METTL2A: variants seen among roughly 807,000 people sequenced by gnomAD.
METTL2A encodes methyltransferase 2A, tRNA N3-cytidine.
A neutral mutation model predicts 49.4 loss-of-function variants in METTL2A; 45 were observed. The ratio of observed to expected loss-of-function variants is 0.91; its 90% CI spans 0.72 to 1.17. The LOEUF is 1.17. Among genes scored for constraint, METTL2A ranks in the 50% most tolerant of loss-of-function variants. The pLI is 0.00. For synonymous variants in METTL2A, 118 were observed against 167.5 expected, an observed-to-expected ratio of 0.70 and a Z score of 2.28; for missense variants, 361 against 462.2, an observed-to-expected ratio of 0.78 and a Z score of 2.01.
chr17:62,443,666 T>C (rs1352260904), intron 6 of METTL2A, among the ~76,000 whole-genome samples: 1 of 152,096 alleles, frequency 6.6e-6, no homozygotes, highest in Non-Finnish European at 1.5e-5. Flanking sequence ...CTTGGCTCAC[T>C]GCAATCTCCG....
intron 4 of METTL2A, among the ~76,000 whole-genome samples, chr17:62,429,773 C>T (rs1219413586): frequency 5.3e-5 from 8 of 151,912 alleles, no homozygotes; most frequent in African/African-American, 7.3e-5. Context: ...TGGGTTCAAG[C>T]GATTCTCCTG....
chr17:62,432,064 ACTG>A (rs1334575553), intron 4 of METTL2A, among the ~76,000 whole-genome samples: 1 of 152,112 alleles, frequency 6.6e-6, no homozygotes, highest in African/African-American at 2.4e-5. Flanking sequence ...TGCAGCCATC[ACTG>A]CAGTCAACTT....
At position 62,448,937 on chromosome 17, in the gene METTL2A, A is replaced by C; in HGVS notation, c.*208A>C. ...AGTAATAATAAAAATAAAAAATATA[A>C]ATGAGGTCTCGTTGATGTTGGACAA... is the stretch of plus-strand genomic sequence containing the variant. On this transcript the variant is annotated 3_prime_UTR_variant, in exon 9 of 9. Coordinates refer to ENST00000311506, the MANE Select transcript of METTL2A (RefSeq NM_181725.4). The C allele has an allele frequency of 1.6e-6, 1 of 610,822 alleles. No individual in the cohort carries two copies. The highest frequency in any genetic ancestry group is 2.5e-6 in the Non-Finnish European group (1 of 403,688). 37.8% of individuals were successfully genotyped at this position (610,822 alleles called of 1,614,324 possible).
intron 4 of METTL2A, among the ~76,000 whole-genome samples, chr17:62,432,643 CAA>C (rs554640057): frequency 1.3e-5 from 2 of 151,262 alleles, no homozygotes; most frequent in Non-Finnish European, 3.0e-5. Context: ...ACTCAAAATA[CAA>C]AAAAAAATTA....
At chr17:62,425,681 G>A (rs532354915) in intron 2 of METTL2A, among the ~76,000 whole-genome samples, 1 of 147,052 alleles carries the variant, frequency 6.8e-6, no homozygotes, top group Non-Finnish European at 1.5e-5. Context: ...CACTGCACCT[G>A]GCTACTTCTA....
At chr17:62,438,391 G>A (rs1234491478) in intron 5 of METTL2A, among the ~76,000 whole-genome samples, 93 of 146,388 alleles carry the variant, frequency 6.4e-4, no homozygotes, top group African/African-American at 2.3e-3. Flanking sequence ...TGGGCTACAA[G>A]AGTGAAACTC....
intron 5 of METTL2A, among the ~76,000 whole-genome samples, chr17:62,437,948 G>T (rs1267401205): frequency 6.6e-6 from 1 of 151,202 alleles, no homozygotes; most frequent in Non-Finnish European, 1.5e-5. Flanking sequence ...CTCCAGCCTG[G>T]GTGACAGAGC....
rs892512857 is a variant in METTL2A at position 62,449,430 on chromosome 17, G to C, written c.*701G>C. On this transcript the variant is annotated 3_prime_UTR_variant, in exon 9 of 9. Transcript: ENST00000311506. ...TGGTCTTCGCTTTAATCTTAGTTCC[G>C]CCAGGCACGGTGGCTCACACCTGTA... The C allele has an allele frequency of 6.6e-6, 3 of 451,138 alleles. No individual in the cohort carries two copies. The highest frequency in any genetic ancestry group is 8.9e-6 in the Non-Finnish European group (2 of 225,364). 27.9% of individuals were successfully genotyped at this position (451,138 alleles called of 1,614,324 possible). A position where few individuals can be genotyped will look rare whatever the true frequency, so the allele number is the denominator to read the frequency against.
chr17:62,442,033 C>T (rs559761540), intron 6 of METTL2A, among the ~76,000 whole-genome samples: 5 of 152,138 alleles, frequency 3.3e-5, no homozygotes, highest in South Asian at 2.1e-4. Flanking sequence ...GAATTACAGG[C>T]GTGAGCCACC....
intron 5 of METTL2A, among the ~76,000 whole-genome samples, chr17:62,439,457 G>A (rs1281113653): frequency 1.3e-5 from 2 of 151,164 alleles, no homozygotes; most frequent in African/African-American, 4.9e-5. Context: ...TTTTTGAGAC[G>A]GAGTCTCCCT....
rs776584826 is a variant in METTL2A, at chr17:62,448,638, G to C, written c.1046G>C (p.Arg349Pro). Residue 349 changes from arginine (R) to proline (P), a missense_variant, in exon 9 of 9, where the codon CGA becomes CCA. Physicochemically the swap from Arg to Pro is moderately radical, Grantham distance 103 (BLOSUM62 -2). Around this residue, in one of 3 missense-constraint regions of METTL2A, gnomAD observed 183 missense variants for 216.5 expected, o/e 0.85. Transcript: ENST00000311506. Reference protein sequence around the residue: ...LEKVQNLVDRRLQVNRGKQLT... With the variant: ...LEKVQNLVDRPLQVNRGKQLT... ...AAAGTTCAGAACCTGGTGGATCGCC[G>C]ACTGCAGGTGAACCGAGGAAAGCAA... 6 of 1,614,156 alleles carry C rather than the reference G, an allele frequency of 3.7e-6. No homozygotes were observed. Among genetic ancestry groups the C allele is most frequent in the Middle Eastern group, 1.6e-4 (1 of 6,062 alleles).
chr17:62,432,606 T>C (rs1396338372), intron 4 of METTL2A, among the ~76,000 whole-genome samples: 1 of 152,112 alleles, frequency 6.6e-6, no homozygotes, highest in African/African-American at 2.4e-5. Context: ...GAGACCATCC[T>C]GGCTAACACA....
rs1330580287 is a variant in METTL2A at position 62,449,012 on chromosome 17, C to T, written c.*283C>T. 1 of 336,590 alleles carries T rather than the reference C, an allele frequency of 3.0e-6. No homozygotes were observed. The allele number at this position is 336,590 out of a possible 1,614,324, so 20.9% of individuals were successfully genotyped here. The stretch of plus-strand genomic sequence containing the variant: ...AAACCTAGGAAAAGTTACTTTGTAT[C>T]AGGATTCTAACAATTATGCTTCATA... On this transcript the variant is annotated 3_prime_UTR_variant, in exon 9 of 9. Transcript: ENST00000311506.
rs1329164348 is a variant in METTL2A at position 62,448,727 on chromosome 17, TG to T, written c.1136del (p.Ter379=). Reference sequence around the variant, plus strand: ...CAAGCCCCTTCTGTCCAGCACCAGCTGAGAGGCACCTGCTGCCAACACGATG... The same window carrying T: ...CAAGCCCCTTCTGTCCAGCACCAGCTAGAGGCACCTGCTGCCAACACGATG... ...YCKPLLSSTS[*>X] On this transcript the variant is annotated frameshift_variant and stop_lost, in exon 9 of 9. Coordinates refer to ENST00000311506, the MANE Select transcript of METTL2A (RefSeq NM_181725.4). LOFTEE classifies it high-confidence loss of function. The T allele has an allele frequency of 6.2e-7, 1 of 1,613,568 alleles. No individual in the cohort carries two copies. The highest frequency in any genetic ancestry group is 1.3e-5 in the African/African-American group (1 of 74,876).
At chr17:62,438,278 G>A (rs1461355818) in intron 5 of METTL2A, among the ~76,000 whole-genome samples, 2 of 151,792 alleles carry the variant, frequency 1.3e-5, no homozygotes, top group African/African-American at 2.4e-5. Context: ...ATGGTGGTAG[G>A]TGCCTGTAGT....
At chr17:62,424,594 A>G (rs1482451318) in intron 2 of METTL2A, among the ~76,000 whole-genome samples, 1 of 152,166 alleles carries the variant, frequency 6.6e-6, no homozygotes, top group Non-Finnish European at 1.5e-5. Context: ...TGGCTAGCCA[A>G]TGACAACTGT....
chr17:62,424,085 C>G (rs1598028148), intron 1 of METTL2A, 73 bp downstream of exon 1: 2 of 1,585,896 alleles, frequency 1.3e-6, no homozygotes, highest in East Asian at 4.5e-5. Context: ...TCCGAAAAGC[C>G]CCTGACCGCC....
In METTL2A at chr17:62,452,652, C is replaced by T. The variant is rs1432634272; in HGVS notation, c.*3923C>T. On this transcript the variant is annotated 3_prime_UTR_variant, in exon 9 of 9. Coordinates refer to ENST00000311506, the MANE Select transcript of METTL2A (RefSeq NM_181725.4). ...TTTGTTGTTGTTTTTGAGACAGGCT[C>T]ACCCAGGCTGGAATGCAGCAGCACG... 6.6e-6 allele frequency among the ~76,000 whole-genome samples: 1 copy of T among 152,138 alleles called. No individual in the cohort carries two copies. Among genetic ancestry groups the T allele is most frequent in the Admixed American group, 6.6e-5 (1 of 15,238 alleles).
rs750200780 is a variant in METTL2A, at chr17:62,440,731, G to A, written c.784G>A (p.Val262Ile). The A allele has an allele frequency of 1.9e-6, 3 of 1,613,820 alleles. No homozygotes were observed. Among genetic ancestry groups the A allele is most frequent in the Non-Finnish European group, 1.7e-6 (2 of 1,179,938 alleles). The change falls in exon 6 of 9, where the codon GTT becomes ATT. Residue 262 changes from valine to isoleucine, a missense_variant. Around this residue, in one of 3 missense-constraint regions of METTL2A, gnomAD observed 183 missense variants for 216.5 expected, o/e 0.85. Transcript: ENST00000311506. ...TCTTGATATTATCATTCTCATATTT[G>A]TTCTTTCAGCAATTGTTCCAGACAA... ...GSLDIIILIF[V>I]LSAIVPDKMQ...
Sources: allele counts gnomAD v4.1 joint callset (sites outside exome capture counted in the v4.1 genomes callset), GRCh38; gene constraint gnomAD v4.1.1; regional missense constraint gnomAD v4.1.1; transcripts MANE v1.5; gene names NCBI Gene and HGNC (gene_info 2026-07-23, HGNC 2026-07-21).